Variants in PARD3B observed in about 807,000 individuals in gnomAD.
PARD3B encodes partitioning defective 3 homolog B.
PARD3B carries 103 observed loss-of-function variants against 130.2 expected under a neutral mutation model. The ratio of observed to expected loss-of-function variants is 0.79; its 90% CI spans 0.67 to 0.93. PARD3B has a LOEUF of 0.93. PARD3B is among the 40% of genes least tolerant of loss of function. The pLI, the probability that PARD3B is intolerant of heterozygous loss-of-function variation, is 0.00. For synonymous variants in PARD3B, 583 were observed against 553.2 expected, an observed-to-expected ratio of 1.05 and a Z score of -0.76; for missense variants, 1,609 against 1,499.2, an observed-to-expected ratio of 1.07 and a Z score of -1.21.
chr2:205,104,714 C>G (rs1703077039), intron 5 of PARD3B, among the ~76,000 whole-genome samples, 200 bp downstream of exon 5: 1 of 152,100 alleles, frequency 6.6e-6, no homozygotes, highest in South Asian at 2.1e-4. Context: ...AACATATATA[C>G]AAATGATCCT....
At chr2:205,094,354 A>G (rs964184151) in intron 4 of PARD3B, among the ~76,000 whole-genome samples, 1 of 152,140 alleles carries the variant, frequency 6.6e-6, no homozygotes, top group African/African-American at 2.4e-5. Context: ...GGGTGAGAAG[A>G]GGGTGAAATG....
intron 20 of PARD3B, among the ~76,000 whole-genome samples, chr2:205,480,237 C>T (rs1367415751): frequency 3.9e-5 from 6 of 152,136 alleles, no homozygotes; most frequent in Non-Finnish European, 5.9e-5. Context: ...TAATTGATTA[C>T]ACTCATTCCC....
chr2:205,456,507 G>A (rs2048281506), intron 20 of PARD3B, among the ~76,000 whole-genome samples: 1 of 152,048 alleles, frequency 6.6e-6, no homozygotes, highest in Admixed American at 6.6e-5. Context: ...ACTGTTGAGT[G>A]TACTGTTAGC....
intron 4 of PARD3B, among the ~76,000 whole-genome samples, chr2:205,051,101 A>C (rs753276290): frequency 6.6e-6 from 1 of 152,118 alleles, no homozygotes. Context: ...CAACTCTAAC[A>C]CTGGTACCCT....
chr2:205,153,479 T>A (rs2033899823), intron 10 of PARD3B, among the ~76,000 whole-genome samples: 1 of 152,148 alleles, frequency 6.6e-6, no homozygotes. Flanking sequence ...CCCAAGGTAA[T>A]TTATAGATTC....
chr2:205,421,585 C>A lies in PARD3B; in HGVS notation c.2742-18785C>A, dbSNP rs557891081. On this transcript the variant is annotated intron_variant, in intron 19 of 22. Coordinates refer to ENST00000406610, the MANE Select transcript of PARD3B (RefSeq NM_001302769.2). This position sits in a 1 kb window ranked among gnomAD's most constrained non-coding sequence, Gnocchi z 5.1. ...GGCTGTGAATGAAAATAGTGCATAC[C>A]TAAATACTTCTCTTTAGGTCTCATC... 1.3e-5 allele frequency among the ~76,000 whole-genome samples: 2 copies of A among 152,232 alleles called. No homozygotes were observed. The highest frequency in any genetic ancestry group is 4.1e-4 in the South Asian group (2 of 4,820).
chr2:204,948,052 G>A (rs940028548), intron 2 of PARD3B, among the ~76,000 whole-genome samples: 6 of 152,160 alleles, frequency 3.9e-5, no homozygotes, highest in African/African-American at 1.4e-4. Flanking sequence ...TAAAGACTTA[G>A]GAATACTTCC....
At chr2:205,381,258 A>ATAATATATATAAAAAGAATATATGT (rs2045436676) in intron 18 of PARD3B, among the ~76,000 whole-genome samples, 3 of 87,710 alleles carry the variant, frequency 3.4e-5, no homozygotes, top group South Asian at 2.6e-4. Context: ...TATGTTATAT[A>ATAATATATATAAAAAGAATATATGT]TATAATATAT....
intron 2 of PARD3B, among the ~76,000 whole-genome samples, chr2:204,730,202 G>C (rs959148299): frequency 1.3e-5 from 2 of 152,056 alleles, no homozygotes; most frequent in African/African-American, 4.8e-5. Flanking sequence ...AGCCTCCCGA[G>C]TAGCTGGGAT....
At chr2:205,060,890 T>C (rs1456511380) in intron 4 of PARD3B, among the ~76,000 whole-genome samples, 3 of 152,142 alleles carry the variant, frequency 2.0e-5, no homozygotes, top group African/African-American at 7.2e-5. Context: ...TAGGGTCATG[T>C]ATAGAGAACC....
At position 204,997,912 on chromosome 2, in the gene PARD3B, ATTAT is replaced by A. The variant is rs923646502; in HGVS notation, c.394+32594_394+32597del. 2.7e-3 allele frequency among the ~76,000 whole-genome samples: 408 copies of A among 149,228 alleles called. 2 individuals carry two copies. Among genetic ancestry groups the A allele is most frequent in the African/African-American group, 9.1e-3 (374 of 41,030 alleles). On this transcript the variant is annotated intron_variant, in intron 3 of 22. Coordinates refer to ENST00000406610, the MANE Select transcript of PARD3B (RefSeq NM_001302769.2). ...AATATTTACAGTAATGTAGATATTT[ATTAT>A]TTATATACTTAATATTTTTATTTGT...
chr2:205,142,873 G>A lies in PARD3B; in HGVS notation c.1435-15849G>A, dbSNP rs1010043808. On this transcript the variant is annotated intron_variant, in intron 10 of 22. Coordinates refer to ENST00000406610, the MANE Select transcript of PARD3B (RefSeq NM_001302769.2). The surrounding 1 kb of genome is among the most constrained non-coding windows in gnomAD (Gnocchi z 4.3). ...AGCCTGGGTGACAGGATGAGACTTC[G>A]GTCTCAAAAAATAAATAAATAAATA... is the stretch of plus-strand genomic sequence containing the variant. 5.1e-5 allele frequency among the ~76,000 whole-genome samples: 5 copies of A among 97,378 alleles called. No individual in the cohort carries two copies. Among genetic ancestry groups the A allele is most frequent in the South Asian group, 5.9e-4 (2 of 3,396 alleles). The allele number at this position is 97,378 out of a possible 152,430, so 63.9% of individuals were successfully genotyped here. A position where few individuals can be genotyped will look rare whatever the true frequency, so the allele number is the denominator to read the frequency against.
intron 1 of PARD3B, among the ~76,000 whole-genome samples, chr2:204,550,932 T>C (rs1270050684): frequency 2.6e-5 from 4 of 152,230 alleles, no homozygotes; most frequent in African/African-American, 7.2e-5. Flanking sequence ...GGTTCTTGTA[T>C]ACATAAGCTA....
At chr2:204,923,126 T>C (rs1161204383) in intron 2 of PARD3B, among the ~76,000 whole-genome samples, 1 of 152,086 alleles carries the variant, frequency 6.6e-6, no homozygotes, top group Non-Finnish European at 1.5e-5. Flanking sequence ...ATTGTAAAAA[T>C]TATTCAACCC....
At chr2:204,744,552 G>T (rs1171519148) in intron 2 of PARD3B, among the ~76,000 whole-genome samples, 2 of 152,188 alleles carry the variant, frequency 1.3e-5, no homozygotes, top group African/African-American at 2.4e-5. Context: ...AAAAGAGAGA[G>T]AGGGTTTAAT....
chr2:205,320,843 T>C (rs1207438), intron 18 of PARD3B, among the ~76,000 whole-genome samples: 127,029 of 152,160 alleles, frequency 0.83, 53,303 homozygotes, highest in South Asian at 0.9. Context: ...AATATTTCAA[T>C]AACTTGTTCC....
At chr2:204,784,393 TATTGG>T (rs1256643498) in intron 2 of PARD3B, among the ~76,000 whole-genome samples, 4 of 152,162 alleles carry the variant, frequency 2.6e-5, no homozygotes, top group Admixed American at 6.6e-5. Flanking sequence ...GCTTGTAGAT[TATTGG>T]ATTCCTGTTA....
chr2:204,856,553 CCTGTTTTT>C (rs2044947804), intron 2 of PARD3B, among the ~76,000 whole-genome samples: 1 of 152,058 alleles, frequency 6.6e-6, no homozygotes, highest in South Asian at 2.1e-4. Flanking sequence ...TTGATGCAAT[CCTGTTTTT>C]CTGTTTTTGC....
chr2:204,679,002 G>T (rs1019603471), intron 1 of PARD3B, among the ~76,000 whole-genome samples: 1 of 152,114 alleles, frequency 6.6e-6, no homozygotes, highest in Non-Finnish European at 1.5e-5. Context: ...TCTACATTGT[G>T]AATTAATTAT....
Sources: allele counts gnomAD v4.1 joint callset (sites outside exome capture counted in the v4.1 genomes callset), GRCh38; gene constraint gnomAD v4.1.1; non-coding constraint Gnocchi (gnomAD v3.1); transcripts MANE v1.5; gene names NCBI Gene and HGNC (gene_info 2026-07-23, HGNC 2026-07-21).